PDIA5: variants seen among roughly 807,000 people sequenced by gnomAD.
PDIA5 encodes the protein protein disulfide-isomerase A5.
Under a neutral mutation model 77.6 loss-of-function variants are expected in PDIA5, and 58 were observed. That is an observed-to-expected ratio of 0.75 (90% CI 0.61 to 0.93). The LOEUF (loss-of-function observed/expected upper bound fraction) is 0.93, where lower values mean the gene tolerates loss of function less well. Ranked by LOEUF, PDIA5 falls within the 40% of genes least tolerant of loss-of-function variation. The probability of loss-of-function intolerance (pLI) is 0.00; values close to 1 mark genes in which losing one functional copy is unlikely to be tolerated. For synonymous variants in PDIA5, 250 were observed against 252.1 expected (o/e 0.99, Z 0.08); for missense variants, 630 against 647.7 (o/e 0.97, Z 0.30).
At chr3:123,140,198 G>A (rs1320039477) in intron 11 of PDIA5, among the ~76,000 whole-genome samples, 1 of 152,034 alleles carries the variant, frequency 6.6e-6, no homozygotes, top group African/African-American at 2.4e-5. Flanking sequence ...AATGAACTTG[G>A]TGTGTTGGGA....
chr3:123,091,453 T>G (rs1934280042), intron 2 of PDIA5, among the ~76,000 whole-genome samples: 1 of 152,104 alleles, frequency 6.6e-6, no homozygotes, highest in East Asian at 1.9e-4. Flanking sequence ...AGAACGTGAC[T>G]CAGGAGCCTG....
chr3:123,122,024 GA>G (rs1245516276), intron 8 of PDIA5, among the ~76,000 whole-genome samples: 3 of 152,202 alleles, frequency 2.0e-5, no homozygotes, highest in Non-Finnish European at 4.4e-5. Context: ...TTCCTGTGCA[GA>G]AATCTCAGAC....
intron 15 of PDIA5, among the ~76,000 whole-genome samples, chr3:123,158,908 G>A (rs1033925244): frequency 3.3e-5 from 5 of 152,212 alleles, no homozygotes; most frequent in Non-Finnish European, 5.9e-5. Flanking sequence ...TCTTTCCAAA[G>A]AGTCTAAGCT....
rs770292634 is a variant in PDIA5 at position 123,124,060 on chromosome 3, TC to T, written c.610-3del. The T allele has an allele frequency of 2.5e-6, 4 of 1,608,776 alleles. No homozygotes were observed. Among genetic ancestry groups the T allele is most frequent in the Non-Finnish European group, 3.4e-6 (4 of 1,175,114 alleles). On this transcript the variant is annotated splice_region_variant and splice_polypyrimidine_tract_variant and intron_variant, in intron 8 of 16. Coordinates refer to ENST00000316218, the MANE Select transcript of PDIA5 (RefSeq NM_006810.4). ...CTCCACACGGCTCTTCTCCGCTTCC[TC>T]CCAGGTGCTGGCCGGGATGAATGTC...
At chr3:123,084,826 C>T (rs867160271) in intron 1 of PDIA5, among the ~76,000 whole-genome samples, 8 of 152,186 alleles carry the variant, frequency 5.3e-5, no homozygotes, top group Non-Finnish European at 1.0e-4. Context: ...TGTCTCTCCA[C>T]GCGGGCAGCC....
At chr3:123,138,704 T>G (rs1172462053) in intron 11 of PDIA5, among the ~76,000 whole-genome samples, 1 of 152,154 alleles carries the variant, frequency 6.6e-6, no homozygotes, top group Non-Finnish European at 1.5e-5. Flanking sequence ...TCCACTTTGG[T>G]GCTTATGCGT....
At chr3:123,116,126 G>T in intron 7 of PDIA5, 105 bp from the exon 8 acceptor site, 1 of 901,250 alleles carries the variant, frequency 1.1e-6, no homozygotes. Flanking sequence ...CTCAAGGCTG[G>T]ATAAGTGCTT....
chr3:123,102,525 A>G, intron 4 of PDIA5, 31 bp downstream of exon 4: 1 of 1,518,690 alleles, frequency 6.6e-7, no homozygotes. Flanking sequence ...CCAATTTCCA[A>G]GTAAGTGCCA....
At chr3:123,148,709 C>T (rs1217302421) in intron 13 of PDIA5, among the ~76,000 whole-genome samples, 2 of 152,194 alleles carry the variant, frequency 1.3e-5, no homozygotes, top group African/African-American at 4.8e-5. Context: ...TCCTCAAGTC[C>T]TGCTGAGGCC....
intron 13 of PDIA5, among the ~76,000 whole-genome samples, chr3:123,146,822 G>T (rs76121834): frequency 6.6e-6 from 1 of 151,668 alleles, no homozygotes; most frequent in Non-Finnish European, 1.5e-5. Flanking sequence ...ATTTTGTTTT[G>T]TTTTGTTTTG....
chr3:123,135,678 G>A (rs1935481952), intron 11 of PDIA5, among the ~76,000 whole-genome samples: 1 of 147,870 alleles, frequency 6.8e-6, no homozygotes, highest in African/African-American at 2.5e-5. Flanking sequence ...AAATCTAGAA[G>A]GTATAGTAAA....
chr3:123,102,670 AT>A, intron 4 of PDIA5, 80 bp from the exon 5 acceptor site: 1 of 1,238,548 alleles, frequency 8.1e-7, no homozygotes. Flanking sequence ...GCTGAATCTT[AT>A]TAAGATGCTG....
intron 6 of PDIA5, among the ~76,000 whole-genome samples, chr3:123,109,649 C>T (rs1934817404): frequency 6.6e-6 from 1 of 151,582 alleles, no homozygotes; most frequent in African/African-American, 2.4e-5. Context: ...TAAGTTAATG[C>T]ACATTCATTG....
chr3:123,142,887 A>G (rs1296494787), intron 11 of PDIA5, among the ~76,000 whole-genome samples: 4 of 152,190 alleles, frequency 2.6e-5, no homozygotes, highest in Non-Finnish European at 5.9e-5. Flanking sequence ...CTCTGTCTCT[A>G]ACTTGCCCAC....
At chr3:123,120,899 T>C in intron 8 of PDIA5, among the ~76,000 whole-genome samples, 1 of 152,126 alleles carries the variant, frequency 6.6e-6, no homozygotes, top group East Asian at 1.9e-4. Context: ...TGGGCTATGC[T>C]AGCTGGTGGC....
intron 14 of PDIA5, among the ~76,000 whole-genome samples, chr3:123,152,015 TCCTG>T (rs1277645876): frequency 9.6e-4 from 116 of 120,622 alleles, no homozygotes; most frequent in African/African-American, 5.4e-3. Context: ...CTTCCTTCCT[TCCTG>T]CCTTCCTTCC....
At chr3:123,068,541 G>A (rs1342556090) in intron 1 of PDIA5, among the ~76,000 whole-genome samples, 2 of 152,222 alleles carry the variant, frequency 1.3e-5, no homozygotes, top group East Asian at 1.9e-4. Flanking sequence ...TCTGGGCCAG[G>A]AGGAGGGAGC....
intron 1 of PDIA5, among the ~76,000 whole-genome samples, chr3:123,082,083 C>G (rs1053163225): frequency 6.6e-6 from 1 of 152,204 alleles, no homozygotes; most frequent in Non-Finnish European, 1.5e-5. Flanking sequence ...GCCCCAGGAA[C>G]CTTGGGAGAC....
chr3:123,086,985 C>G (rs558619874), intron 1 of PDIA5, among the ~76,000 whole-genome samples: 197 of 152,230 alleles, frequency 1.3e-3, no homozygotes, highest in Non-Finnish European at 2.4e-3. Flanking sequence ...AAGTCTTATG[C>G]CAATTCTGAC....
Sources: allele counts gnomAD v4.1 joint callset (sites outside exome capture counted in the v4.1 genomes callset), GRCh38; gene constraint gnomAD v4.1.1; transcripts MANE v1.5; gene names NCBI Gene and HGNC (gene_info 2026-07-23, HGNC 2026-07-21).